Variants in TRERF1 observed in about 807,000 individuals in gnomAD.
TRERF1 encodes the protein transcriptional regulating factor 1, also known as transcriptional-regulating factor 1.
In TRERF1, 27 loss-of-function variants were observed where a neutral mutation model predicts 122.9. The observed-to-expected ratio is 0.22, with a 90% CI of 0.16 to 0.30. The LOEUF (loss-of-function observed/expected upper bound fraction) is 0.30. Ranked by LOEUF, TRERF1 falls within the 10% of genes least tolerant of loss-of-function variation. The pLI, the probability that TRERF1 is intolerant of heterozygous loss-of-function variation, is 1.00. For synonymous variants in TRERF1, 636 were observed against 641.7 expected (o/e 0.99, Z 0.13); for missense variants, 1,248 against 1,560.3 (o/e 0.80, Z 3.37).
intron 4 of TRERF1, among the ~76,000 whole-genome samples, chr6:42,277,785 G>T (rs1336765101): frequency 6.6e-6 from 1 of 151,888 alleles, no homozygotes; most frequent in Non-Finnish European, 1.5e-5. Context: ...TGAGGCTGCA[G>T]TGAGTGGTGA....
intron 3 of TRERF1, among the ~76,000 whole-genome samples, chr6:42,342,575 AAAAAGAAAAG>A (rs543499569): frequency 5.9e-5 from 9 of 152,166 alleles, no homozygotes; most frequent in African/African-American, 9.7e-5. Flanking sequence ...AGGCTCAAAA[AAAAAGAAAAG>A]AAAAGAAAAG....
chr6:42,307,345 C>G (rs918539596), intron 3 of TRERF1, among the ~76,000 whole-genome samples: 3 of 152,112 alleles, frequency 2.0e-5, no homozygotes, highest in African/African-American at 7.2e-5. Flanking sequence ...CACGTTCATC[C>G]TAAGGGCCAC....
At chr6:42,329,464 C>A (rs187777801) in intron 3 of TRERF1, among the ~76,000 whole-genome samples, 3 of 152,226 alleles carry the variant, frequency 2.0e-5, no homozygotes, top group African/African-American at 7.2e-5. Flanking sequence ...GCCTCTTCCC[C>A]AGGACCAACC....
intron 2 of TRERF1, among the ~76,000 whole-genome samples, chr6:42,395,207 TG>T (rs1778393076): frequency 6.6e-6 from 1 of 152,058 alleles, no homozygotes; most frequent in South Asian, 2.1e-4. Flanking sequence ...AAAGTCAGGG[TG>T]GACTAACTAA....
At chr6:42,377,323 G>A (rs996944016) in intron 2 of TRERF1, among the ~76,000 whole-genome samples, 19 of 152,080 alleles carry the variant, frequency 1.2e-4, no homozygotes, top group Non-Finnish European at 2.6e-4. Flanking sequence ...GTACCCATTC[G>A]CAGTCACTCT....
chr6:42,407,295 G>C (rs1163716186), intron 2 of TRERF1, among the ~76,000 whole-genome samples: 1 of 152,122 alleles, frequency 6.6e-6, no homozygotes, highest in Non-Finnish European at 1.5e-5. Flanking sequence ...TTTGCTGGGG[G>C]CTGCAGTCTC....
intron 3 of TRERF1, among the ~76,000 whole-genome samples, chr6:42,325,147 G>GA (rs1451988895): frequency 2.0e-5 from 3 of 152,096 alleles, no homozygotes; most frequent in South Asian, 4.1e-4. Context: ...AAAAGCATAT[G>GA]AAAAAAATGC....
intron 2 of TRERF1, among the ~76,000 whole-genome samples, chr6:42,369,197 C>T (rs1476106467): frequency 3.3e-5 from 5 of 152,140 alleles, no homozygotes; most frequent in Admixed American, 3.3e-4. Context: ...CATCTATGAT[C>T]CTAGCACTTT....
chr6:42,274,071 G>A (rs2149962890), intron 4 of TRERF1, among the ~76,000 whole-genome samples: 1 of 152,306 alleles, frequency 6.6e-6, no homozygotes, highest in South Asian at 2.1e-4. Context: ...AACCCTAGAT[G>A]GAACCCTAGG....
At chr6:42,283,561 G>T (rs933698618) in intron 4 of TRERF1, among the ~76,000 whole-genome samples, 3 of 147,312 alleles carry the variant, frequency 2.0e-5, no homozygotes, top group Non-Finnish European at 3.0e-5. Flanking sequence ...TGAACCATGT[G>T]AATACATTAC....
In TRERF1 at chr6:42,288,334, C is replaced by T. The variant is rs541442951; in HGVS notation, c.-259+12304G>A. ...CTGTAATCCCAGCACTTTGGGAGGCCGAGGTGGGCAGGTCACCTGAGGTCA... is the reference window on the plus strand; with the variant it reads ...CTGTAATCCCAGCACTTTGGGAGGCTGAGGTGGGCAGGTCACCTGAGGTCA... On this transcript the variant is annotated intron_variant, in intron 4 of 17. Transcript: ENST00000372922. Among the ~76,000 whole-genome samples the T allele has an allele frequency of 2.4e-3, 359 of 151,974 alleles. 1 individual carries two copies. Among genetic ancestry groups the T allele is most frequent in the African/African-American group, 8.3e-3 (345 of 41,434 alleles).
chr6:42,408,373 CT>C (rs34753779), intron 2 of TRERF1, among the ~76,000 whole-genome samples: 3 of 62,968 alleles, frequency 4.8e-5, no homozygotes, highest in African/African-American at 1.9e-4. Flanking sequence ...ATATATATAT[CT>C]TTTTTTTTTT....
intron 4 of TRERF1, among the ~76,000 whole-genome samples, chr6:42,283,611 CTTTTTTTTTTTTT>C (rs869206003): frequency 2.8e-5 from 3 of 107,998 alleles, no homozygotes; most frequent in African/African-American, 7.2e-5. Context: ...ATGAAAAAAA[CTTTTTTTTTTTTT>C]TTTTTTTTTG....
intron 2 of TRERF1, among the ~76,000 whole-genome samples, chr6:42,368,942 G>A (rs1773265602): frequency 6.6e-6 from 1 of 152,042 alleles, no homozygotes; most frequent in Non-Finnish European, 1.5e-5. Context: ...ACATTTTAGG[G>A]CTAAAATGAG....
chr6:42,340,532 A>G (rs1767073139), intron 3 of TRERF1, among the ~76,000 whole-genome samples: 1 of 152,184 alleles, frequency 6.6e-6, no homozygotes, highest in Admixed American at 6.5e-5. Flanking sequence ...CACACACCAC[A>G]TAAGAAGCTT....
At position 42,432,942 on chromosome 6, in the gene TRERF1, C is replaced by T. The variant is rs563451488; in HGVS notation, c.-454+18235G>A. On this transcript the variant is annotated intron_variant, in intron 2 of 17. Transcript: ENST00000372922. Reference sequence around the variant, plus strand: ...TCATAAAGGATACGAAATTAGACTTCGCTTTCAGGTATTATGGGGCAGTGA... The same window carrying T: ...TCATAAAGGATACGAAATTAGACTTTGCTTTCAGGTATTATGGGGCAGTGA... Among the ~76,000 whole-genome samples the T allele has an allele frequency of 2.6e-5, 4 of 152,024 alleles. No individual in the cohort carries two copies. In the South Asian group the frequency reaches 6.2e-4, roughly 24 times the overall value.
At chr6:42,362,218 A>G (rs1415744932) in intron 3 of TRERF1, among the ~76,000 whole-genome samples, 2 of 152,246 alleles carry the variant, frequency 1.3e-5, no homozygotes. Flanking sequence ...TGGCTTTAAA[A>G]TTAAATCAGA....
At chr6:42,424,842 G>A (rs538798062) in intron 2 of TRERF1, among the ~76,000 whole-genome samples, 14 of 152,274 alleles carry the variant, frequency 9.2e-5, no homozygotes, top group Non-Finnish European at 1.5e-4. Flanking sequence ...AGCTCATACC[G>A]TTGTCCATAA....
chr6:42,382,991 T>C (rs1776211690), intron 2 of TRERF1, among the ~76,000 whole-genome samples: 1 of 152,122 alleles, frequency 6.6e-6, no homozygotes, highest in Non-Finnish European at 1.5e-5. Context: ...TGTGTTTAGA[T>C]AAACATCTGA....
Sources: gnomAD v4.1 joint callset for allele counts (sites outside exome capture counted in the v4.1 genomes callset) on GRCh38, gnomAD v4.1.1 for gene constraint, MANE v1.5 for transcripts, NCBI Gene and HGNC (gene_info 2026-07-23, HGNC 2026-07-21) for gene names.